Variants in STPG2 observed in about 807,000 individuals in gnomAD.
STPG2 encodes sperm tail PG-rich repeat containing 2, also known as sperm-tail PG-rich repeat-containing protein 2.
A neutral mutation model predicts 54.2 loss-of-function variants in STPG2; 56 were observed. The ratio of observed to expected loss-of-function variants is 1.03; its 90% CI spans 0.83 to 1.29. STPG2 has a LOEUF of 1.29. STPG2 is among the 50% of genes most tolerant of loss of function. STPG2 has a pLI of 0.00. For synonymous variants in STPG2, 200 were observed against 181.8 expected, an observed-to-expected ratio of 1.10 and a Z score of -0.81; for missense variants, 596 against 544.9, an observed-to-expected ratio of 1.09 and a Z score of -0.93.
At chr4:97,716,741 A>G (rs1011699884) in intron 9 of STPG2, among the ~76,000 whole-genome samples, 1 of 151,754 alleles carries the variant, frequency 6.6e-6, no homozygotes, top group African/African-American at 2.4e-5. Context: ...TAACATTAGG[A>G]GAAATACCTA....
At chr4:97,720,187 C>G (rs1724405475) in intron 9 of STPG2, among the ~76,000 whole-genome samples, 1 of 151,896 alleles carries the variant, frequency 6.6e-6, no homozygotes, top group East Asian at 1.9e-4. Flanking sequence ...TTCAAGCTTT[C>G]TATAGCCATG....
intron 4 of STPG2, among the ~76,000 whole-genome samples, chr4:97,511,523 T>C (rs1278378722): frequency 6.6e-6 from 1 of 152,016 alleles, no homozygotes. Context: ...GAGATTTTAG[T>C]ATACCTCTCT....
chr4:97,792,657 T>C (rs558626305), intron 9 of STPG2, among the ~76,000 whole-genome samples: 1 of 151,536 alleles, frequency 6.6e-6, no homozygotes, highest in South Asian at 2.1e-4. Flanking sequence ...AAGCAAGGCC[T>C]ACCAAGTCAT....
At chr4:98,066,279 A>G (rs1737832747) in intron 5 of STPG2, among the ~76,000 whole-genome samples, 1 of 152,208 alleles carries the variant, frequency 6.6e-6, no homozygotes, top group Non-Finnish European at 1.5e-5. Flanking sequence ...AAACATAAAG[A>G]GAAAAGTCAC....
intron 2 of STPG2, among the ~76,000 whole-genome samples, chr4:98,128,845 G>A (rs754873191): frequency 1.3e-5 from 2 of 151,708 alleles, no homozygotes; most frequent in African/African-American, 4.8e-5. Context: ...TTCTCCCCTC[G>A]ACCTCAGCCT....
chr4:98,028,231 T>C (rs1045238750), intron 5 of STPG2, among the ~76,000 whole-genome samples: 12 of 152,238 alleles, frequency 7.9e-5, no homozygotes, highest in Non-Finnish European at 1.3e-4. Flanking sequence ...CTTTTTCAAA[T>C]TGGATAGGTT....
intron 2 of STPG2, among the ~76,000 whole-genome samples, chr4:98,130,952 G>GAAAAAT (rs1242260121): frequency 1.2e-5 from 1 of 81,940 alleles, no homozygotes; most frequent in South Asian, 4.3e-4. Flanking sequence ...AAAAAAAAAC[G>GAAAAAT]ACTTTCCAAA....
intron 9 of STPG2, among the ~76,000 whole-genome samples, chr4:97,775,589 T>G (rs1051924703): frequency 6.6e-6 from 1 of 152,066 alleles, no homozygotes; most frequent in Non-Finnish European, 1.5e-5. Context: ...TTGAGAGCAA[T>G]GAAAGCACAA....
rs189024498 is a variant in STPG2 at position 97,724,923 on chromosome 4, C to A, written c.1205-12109G>T. Among the ~76,000 whole-genome samples the A allele has an allele frequency of 3.5e-3, 536 of 152,170 alleles. 7 individuals are homozygous for A. The highest frequency in any genetic ancestry group is 6.7e-3 in the Non-Finnish European group (453 of 67,970). ...GCTTATGCAGGTCTTTATTCAAGTACTTCTTGAAAGAGTACAGTACAGAAA... is the reference window on the plus strand; with the variant it reads ...GCTTATGCAGGTCTTTATTCAAGTAATTCTTGAAAGAGTACAGTACAGAAA... On this transcript the variant is annotated intron_variant, in intron 9 of 10. Transcript: ENST00000295268.
intron 7 of STPG2, among the ~76,000 whole-genome samples, chr4:97,964,540 A>T (rs1390138039): frequency 6.6e-6 from 1 of 152,192 alleles, no homozygotes; most frequent in Non-Finnish European, 1.5e-5. Context: ...AACCCTCAGA[A>T]AAATAAGTTT....
chr4:97,672,044 T>C (rs1722711849), intron 10 of STPG2, among the ~76,000 whole-genome samples: 1 of 151,918 alleles, frequency 6.6e-6, no homozygotes, highest in African/African-American at 2.4e-5. Flanking sequence ...TGCCAGACAC[T>C]ATAAGGTATT....
intron 5 of STPG2, among the ~76,000 whole-genome samples, chr4:98,019,781 T>A (rs1309631663): frequency 8.3e-6 from 1 of 120,788 alleles, no homozygotes; most frequent in Non-Finnish European, 1.8e-5. Flanking sequence ...TTGAAGCAAT[T>A]GTGAATGGGA....
At chr4:98,009,992 TC>T (rs1410661030) in intron 5 of STPG2, among the ~76,000 whole-genome samples, 1 of 152,042 alleles carries the variant, frequency 6.6e-6, no homozygotes, top group Non-Finnish European at 1.5e-5. Context: ...GAGTCTCCTA[TC>T]ATTTTTTCTT....
intron 9 of STPG2, among the ~76,000 whole-genome samples, chr4:97,735,224 A>T (rs1167005756): frequency 6.6e-6 from 1 of 151,924 alleles, no homozygotes; most frequent in East Asian, 1.9e-4. Flanking sequence ...ATATATATAG[A>T]TATATAGATG....
chr4:97,500,827 G>A (rs1271243003), intron 4 of STPG2, among the ~76,000 whole-genome samples: 2 of 152,010 alleles, frequency 1.3e-5, no homozygotes, highest in Non-Finnish European at 2.9e-5. Flanking sequence ...TCTATGTAAC[G>A]TAAAGAGTGA....
intron 8 of STPG2, among the ~76,000 whole-genome samples, chr4:97,873,175 T>G (rs956145198): frequency 6.6e-6 from 1 of 151,244 alleles, no homozygotes; most frequent in African/African-American, 2.4e-5. Context: ...TTTTCTTTCT[T>G]TCTCTCTCCC....
chr4:97,884,229 C>T (rs898097223), intron 8 of STPG2, among the ~76,000 whole-genome samples: 1 of 152,158 alleles, frequency 6.6e-6, no homozygotes, highest in African/African-American at 2.4e-5. Context: ...GTCCAATAAA[C>T]TCTTCAAAAC....
At chr4:97,660,888 A>ATAT (rs2148961129) in intron 10 of STPG2, among the ~76,000 whole-genome samples, 1 of 152,302 alleles carries the variant, frequency 6.6e-6, no homozygotes, top group African/African-American at 2.4e-5. Context: ...CATAATCCGT[A>ATAT]TATATATTAT....
intron 4 of STPG2, among the ~76,000 whole-genome samples, chr4:97,455,360 C>A (rs1729488778): frequency 6.6e-6 from 1 of 152,090 alleles, no homozygotes; most frequent in Non-Finnish European, 1.5e-5. Flanking sequence ...GCCCACCATG[C>A]CTCCAACCTG....
Sources: allele counts gnomAD v4.1 joint callset (sites outside exome capture counted in the v4.1 genomes callset), GRCh38; gene constraint gnomAD v4.1.1; transcripts MANE v1.5; gene names NCBI Gene and HGNC (gene_info 2026-07-23, HGNC 2026-07-21).